Variants in RNF217 observed in about 807,000 individuals in gnomAD.
The protein encoded by RNF217 is ring finger protein 217, also known as E3 ubiquitin-protein ligase RNF217.
In RNF217, 31 loss-of-function variants were observed where a neutral mutation model predicts 57.8. The observed-to-expected ratio is 0.54, with a 90% CI of 0.40 to 0.72. The LOEUF is 0.72. RNF217 is among the 30% of genes least tolerant of loss of function. The pLI is 0.00. For synonymous variants in RNF217, 313 were observed against 294.0 expected, an observed-to-expected ratio of 1.06 and a Z score of -0.66; for missense variants, 696 against 708.3, an observed-to-expected ratio of 0.98 and a Z score of 0.20.
At chr6:125,046,351 G>A (rs893294887) in intron 2 of RNF217, among the ~76,000 whole-genome samples, 4 of 152,052 alleles carry the variant, frequency 2.6e-5, no homozygotes, top group Admixed American at 2.0e-4. Context: ...GCTATCACAA[G>A]AGGACCAGAC....
chr6:125,085,743 T>C lies in RNF217; in HGVS notation c.*2806T>C, dbSNP rs1788752310. On this transcript the variant is annotated 3_prime_UTR_variant, in exon 6 of 6. Transcript: ENST00000521654. ...ATTTTCTAGGGGTAACCACTGTTAATGGTTTGGTATGTGTCCTTCCAGACA... is the reference window on the plus strand; with the variant it reads ...ATTTTCTAGGGGTAACCACTGTTAACGGTTTGGTATGTGTCCTTCCAGACA... 6.6e-6 allele frequency: 1 copy of C among 151,930 alleles called. No homozygotes were observed. The highest frequency in any genetic ancestry group is 2.4e-5 in the African/African-American group (1 of 41,436). 9.4% of individuals were successfully genotyped at this position (151,930 alleles called of 1,614,324 possible). A position where few individuals can be genotyped will look rare whatever the true frequency, so the allele number is the denominator to read the frequency against.
At chr6:124,963,875 A>T (rs1459992733) in intron 1 of RNF217, among the ~76,000 whole-genome samples, 1 of 152,248 alleles carries the variant, frequency 6.6e-6, no homozygotes, top group Non-Finnish European at 1.5e-5. Context: ...ATTTTGCTTC[A>T]TTTGTATATT....
chr6:124,962,512 G>GA lies in RNF217; in HGVS notation c.-32dup. Reference sequence around the variant, plus strand: ...CGCCGGGTGGGGGTCCCGGCGGCTGGATGGGCAGCGGCGGCGCGGGCCGCG... The same window carrying GA: ...CGCCGGGTGGGGGTCCCGGCGGCTGGAATGGGCAGCGGCGGCGCGGGCCGCG... On this transcript the variant is annotated 5_prime_UTR_variant, in exon 1 of 6. It adds an upstream start codon to the 5' untranslated region. Transcript: ENST00000521654. This position sits in a 1 kb window ranked among gnomAD's most constrained non-coding sequence, Gnocchi z 4.6. 4 of 1,113,478 alleles carry GA rather than the reference G, an allele frequency of 3.6e-6. No individual in the cohort carries two copies. Among genetic ancestry groups the GA allele is most frequent in the Non-Finnish European group, 4.4e-6 (4 of 902,186 alleles). 69.0% of individuals were successfully genotyped at this position (1,113,478 alleles called of 1,614,324 possible). A position where few individuals can be genotyped will look rare whatever the true frequency, so the allele number is the denominator to read the frequency against.
chr6:124,962,566 G>A lies in RNF217; in HGVS notation c.22G>A (p.Val8Met). 1 of 1,257,152 alleles carries A rather than the reference G, an allele frequency of 8.0e-7. No individual in the cohort carries two copies. The highest frequency in any genetic ancestry group is 9.9e-7 in the Non-Finnish European group (1 of 1,005,460). 77.9% of individuals were successfully genotyped at this position (1,257,152 alleles called of 1,614,324 possible). ...GGCGATGGGCGAGGAGCAGAGCACG[G>A]TGAGCGGCGGCGGCGGGCCCCAGGA... is the stretch of plus-strand genomic sequence containing the variant. MGEEQST[V>M]SGGGGPQESQ... The change falls in exon 1 of 6, where the codon GTG becomes ATG. Residue 8 changes from valine to methionine, a missense_variant. Coordinates refer to ENST00000521654, the MANE Select transcript of RNF217 (RefSeq NM_001286398.3). This position sits in a 1 kb window ranked among gnomAD's most constrained non-coding sequence, Gnocchi z 4.6.
intron 1 of RNF217, among the ~76,000 whole-genome samples, chr6:125,021,898 T>C (rs1475348841): frequency 2.0e-5 from 3 of 152,120 alleles, no homozygotes; most frequent in African/African-American, 4.8e-5. Context: ...CCCCCTTTTT[T>C]TGAGATGGAG....
At chr6:125,053,032 A>G (rs1170584783) in intron 2 of RNF217, among the ~76,000 whole-genome samples, 1 of 152,046 alleles carries the variant, frequency 6.6e-6, no homozygotes, top group Non-Finnish European at 1.5e-5. Context: ...TCCCCAATAT[A>G]TCATGTGCTC....
intron 4 of RNF217, among the ~76,000 whole-genome samples, chr6:125,080,827 C>T (rs532682708): frequency 1.8e-4 from 28 of 152,026 alleles, no homozygotes; most frequent in Non-Finnish European, 3.4e-4. Context: ...TTTTTCAATT[C>T]GTTAAAATGA....
chr6:125,082,538 G>A, intron 5 of RNF217: 1 of 1,612,674 alleles, frequency 6.2e-7, no homozygotes, highest in Non-Finnish European at 8.5e-7. Context: ...GTTGTTAAGT[G>A]ATATGCTATA....
At chr6:124,989,672 T>C (rs1469936523) in intron 1 of RNF217, among the ~76,000 whole-genome samples, 1 of 152,180 alleles carries the variant, frequency 6.6e-6, no homozygotes, top group African/African-American at 2.4e-5. Flanking sequence ...ATTATTACTA[T>C]TCTTTTCATT....
In RNF217 at chr6:124,988,788, A is replaced by G. The variant is rs564176005; in HGVS notation, c.882+25362A>G. ...TTTGCCTATAGTTATTCCACAGAGA[A>G]TGTTCATTCATAGAGACTGATTTTC... On this transcript the variant is annotated intron_variant, in intron 1 of 5. Coordinates refer to ENST00000521654, the MANE Select transcript of RNF217 (RefSeq NM_001286398.3). Among the ~76,000 whole-genome samples, 29 of 152,348 alleles carry G rather than the reference A, an allele frequency of 1.9e-4. No individual in the cohort carries two copies. The East Asian group carries it at 4.8e-3, about 25-fold the overall frequency.
intron 1 of RNF217, chr6:124,983,486 C>G: frequency 1.0e-6 from 1 of 984,570 alleles, no homozygotes; most frequent in Non-Finnish European, 1.2e-6. Flanking sequence ...TCACTTGTCA[C>G]TAATGAAAAG....
At chr6:124,994,811 TG>T (rs1453087836) in intron 1 of RNF217, among the ~76,000 whole-genome samples, 1 of 152,186 alleles carries the variant, frequency 6.6e-6, no homozygotes, top group Non-Finnish European at 1.5e-5. Context: ...ACTGTACACC[TG>T]TTACTTGAGC....
intron 1 of RNF217, among the ~76,000 whole-genome samples, chr6:124,973,098 G>GAAATTTTAAATTTTTAAAT (rs1783821935): frequency 2.6e-5 from 4 of 152,112 alleles, no homozygotes; most frequent in African/African-American, 9.7e-5. Context: ...TGAATAGATA[G>GAAATTTTAAATTTTTAAAT]GCAAAGTGAT....
chr6:125,036,003 C>G (rs1317963847), intron 1 of RNF217, among the ~76,000 whole-genome samples: 2 of 151,872 alleles, frequency 1.3e-5, no homozygotes, highest in African/African-American at 4.8e-5. Flanking sequence ...TGGTTTGCTG[C>G]ACCCATCAAC....
rs71706851 is a variant in RNF217 at position 125,060,356 on chromosome 6, T to TACACACACAC, written c.1281+2266_1281+2275dup. On this transcript the variant is annotated intron_variant, in intron 3 of 5. Transcript: ENST00000521654. ...TTTGTTAGGAAAGTATATATGTGTA[T>TACACACACAC]ACACACACACACACACACACACACA... 2.2e-3 allele frequency among the ~76,000 whole-genome samples: 330 copies of TACACACACAC among 150,232 alleles called. 4 individuals are homozygous for TACACACACAC. The highest frequency in any genetic ancestry group is 7.7e-3 in the African/African-American group (315 of 41,026).
chr6:124,967,714 C>T (rs1783599578), intron 1 of RNF217, among the ~76,000 whole-genome samples: 1 of 152,160 alleles, frequency 6.6e-6, no homozygotes, highest in African/African-American at 2.4e-5. Context: ...GAGGTGAAAG[C>T]TTATATATCC....
At chr6:125,070,082 C>T (rs528212249) in intron 3 of RNF217, among the ~76,000 whole-genome samples, 59 of 152,280 alleles carry the variant, frequency 3.9e-4, no homozygotes, top group Non-Finnish European at 7.2e-4. Context: ...TTAGCTCCCA[C>T]TTATAATTGA....
chr6:125,058,208 A>G (rs1562489398), intron 3 of RNF217, 102 bp downstream of exon 3: 2 of 1,002,462 alleles, frequency 2.0e-6, no homozygotes, highest in African/African-American at 1.7e-5. Flanking sequence ...TAATGCAGGT[A>G]TGTGGAAAAA....
intron 1 of RNF217, among the ~76,000 whole-genome samples, chr6:124,992,599 T>G (rs1341771958): frequency 6.6e-6 from 1 of 152,200 alleles, no homozygotes; most frequent in Non-Finnish European, 1.5e-5. Flanking sequence ...TTTTTCTTGT[T>G]GAAATTGACT....
Sources: allele counts gnomAD v4.1 joint callset (sites outside exome capture counted in the v4.1 genomes callset), GRCh38; gene constraint gnomAD v4.1.1; non-coding constraint Gnocchi (gnomAD v3.1); transcripts MANE v1.5; gene names NCBI Gene and HGNC (gene_info 2026-07-23, HGNC 2026-07-21).